EIF2AK2: variants seen among roughly 807,000 people sequenced by gnomAD.
EIF2AK2 encodes the protein interferon-induced, double-stranded RNA-activated protein kinase.
In EIF2AK2, 40 loss-of-function variants were observed where a neutral mutation model predicts 70.5. The ratio of observed to expected loss-of-function variants is 0.57; its 90% CI spans 0.44 to 0.74. The LOEUF is 0.74. Ranked by LOEUF, EIF2AK2 falls within the 30% of genes least tolerant of loss-of-function variation. The pLI is 0.00. For missense variants in EIF2AK2, 555 were observed against 644.3 expected (o/e 0.86, Z 1.50); for synonymous variants, 198 against 220.9 (o/e 0.90, Z 0.92).
chr2:37,124,410 C>T lies in EIF2AK2; in HGVS notation c.909-1746G>A, dbSNP rs577567631. On this transcript the variant is annotated intron_variant, in intron 11 of 16. Transcript: ENST00000233057. ...CCAAGTAGCTGGGACTACAGGCGTA[C>T]GCTGCCATGCCCAGCTAATTTTTGT... 5.4e-3 allele frequency among the ~76,000 whole-genome samples: 815 copies of T among 152,240 alleles called. 16 individuals are homozygous for T. The highest frequency in any genetic ancestry group is 0.01 in the Middle Eastern group (3 of 294).
In EIF2AK2 at chr2:37,153,133, TTTA is replaced by T. The variant is rs1265449797; in HGVS notation, c.-184+3772_-184+3774del. Among the ~76,000 whole-genome samples, 6 of 152,262 alleles carry T rather than the reference TTTA, an allele frequency of 3.9e-5. No homozygotes were observed. The East Asian group carries it at 9.7e-4, about 24-fold the overall frequency. ...CCCTGCAACCATTGTGATTTTTTTT[TTTA>T]TGTTTTAAAATTGTGATAAAATACA... On this transcript the variant is annotated intron_variant, in intron 1 of 16. Coordinates refer to ENST00000233057, the MANE Select transcript of EIF2AK2 (RefSeq NM_001135651.3).
At chr2:37,109,526 G>A (rs1164552387) in intron 14 of EIF2AK2, 1 of 446,546 alleles carries the variant, frequency 2.2e-6, no homozygotes, top group Non-Finnish European at 4.1e-6. Flanking sequence ...TATAAAACAA[G>A]GATAACAACA....
rs1006976095 is a variant in EIF2AK2, at chr2:37,104,551, C to T, written c.*2722G>A. On this transcript the variant is annotated 3_prime_UTR_variant, in exon 17 of 17. Transcript: ENST00000233057. Reference sequence around the variant, plus strand: ...CCCAGGCTAGTCTCAAAATCCTATGCTCAAGCCATCCTCCCCTTTTGACCT... The same window carrying T: ...CCCAGGCTAGTCTCAAAATCCTATGTTCAAGCCATCCTCCCCTTTTGACCT... 5 of 152,184 alleles carry T rather than the reference C, an allele frequency of 3.3e-5. No homozygotes were observed. Among genetic ancestry groups the T allele is most frequent in the Non-Finnish European group, 7.3e-5 (5 of 68,054 alleles). 9.4% of individuals were successfully genotyped at this position (152,184 alleles called of 1,614,324 possible). A position where few individuals can be genotyped will look rare whatever the true frequency, so the allele number is the denominator to read the frequency against.
intron 12 of EIF2AK2, among the ~76,000 whole-genome samples, chr2:37,121,591 A>G (rs569740368): frequency 1.4e-4 from 22 of 151,790 alleles, no homozygotes; most frequent in Non-Finnish European, 2.2e-4. Flanking sequence ...CCAACAAATT[A>G]CTAAGATACA....
chr2:37,119,675 T>C (rs1028980857), intron 13 of EIF2AK2, among the ~76,000 whole-genome samples: 5 of 151,440 alleles, frequency 3.3e-5, no homozygotes, highest in African/African-American at 1.2e-4. Flanking sequence ...CACTGCAACC[T>C]CCACCTCCCA....
chr2:37,112,567 T>C (rs1360834352), intron 14 of EIF2AK2, among the ~76,000 whole-genome samples: 1 of 152,314 alleles, frequency 6.6e-6, no homozygotes, highest in South Asian at 2.1e-4. Flanking sequence ...CATTTTTAAA[T>C]TGAAGAATAA....
chr2:37,149,331 T>G (rs1675663755), intron 1 of EIF2AK2: 17 of 790,682 alleles, frequency 2.2e-5, no homozygotes, highest in Non-Finnish European at 3.6e-5. Flanking sequence ...ATGGGGCCTT[T>G]AAAGGTCTTT....
intron 11 of EIF2AK2, among the ~76,000 whole-genome samples, chr2:37,123,584 G>C (rs1021519446): frequency 2.6e-5 from 4 of 152,074 alleles, no homozygotes; most frequent in Non-Finnish European, 5.9e-5. Context: ...ATTTTTCATA[G>C]CTAAATCATA....
intron 5 of EIF2AK2, among the ~76,000 whole-genome samples, chr2:37,140,872 T>A (rs1426408831): frequency 1.3e-5 from 2 of 150,402 alleles, no homozygotes; most frequent in East Asian, 3.9e-4. Flanking sequence ...TGTAGATATT[T>A]TTTTTCTTCT....
Position 37,107,054 on chromosome 2 carries a change from AAGAAT to A in EIF2AK2, c.*214_*218del. The A allele has an allele frequency of 1.9e-6, 1 of 519,068 alleles. No individual in the cohort carries two copies. The highest frequency in any genetic ancestry group is 3.0e-6 in the Non-Finnish European group (1 of 334,682). 32.2% of individuals were successfully genotyped at this position (519,068 alleles called of 1,614,324 possible). A position where few individuals can be genotyped will look rare whatever the true frequency, so the allele number is the denominator to read the frequency against. On this transcript the variant is annotated 3_prime_UTR_variant, in exon 17 of 17. Coordinates refer to ENST00000233057, the MANE Select transcript of EIF2AK2 (RefSeq NM_001135651.3). Reference sequence around the variant, plus strand: ...GAGACTCTGTCTTTAAAAAAAAAAAAAGAATAAAGAGATGAGCCAGGAAAAAGTAA... The same window carrying A: ...GAGACTCTGTCTTTAAAAAAAAAAAAAAAGAGATGAGCCAGGAAAAAGTAA...
chr2:37,136,460 A>G (rs1675129651), intron 9 of EIF2AK2, among the ~76,000 whole-genome samples: 1 of 152,154 alleles, frequency 6.6e-6, no homozygotes, highest in Non-Finnish European at 1.5e-5. Context: ...TCTTCTCTCC[A>G]TCCAAGCATC....
rs552237663 is a variant in EIF2AK2, at chr2:37,122,498, T to C, written c.1067+8A>G. 14 of 1,611,860 alleles carry C rather than the reference T, an allele frequency of 8.7e-6. No homozygotes were observed. In the South Asian group the frequency reaches 1.4e-4, roughly 17 times the overall value. On this transcript the variant is annotated splice_region_variant and intron_variant, in intron 12 of 16. Transcript: ENST00000233057. ...CTATTATGGCTATGAGAATTTATTT[T>C]TAGTTACCTTGAACTATTTTTGCTG...
intron 14 of EIF2AK2, chr2:37,109,584 G>A (rs1458126493): frequency 6.8e-6 from 2 of 292,582 alleles, no homozygotes; most frequent in African/African-American, 4.4e-5. Context: ...AGCAGGTAAA[G>A]CAGTTAAAAT....
chr2:37,126,213 G>T, intron 11 of EIF2AK2, 76 bp downstream of exon 11: 1 of 1,463,298 alleles, frequency 6.8e-7, no homozygotes, highest in African/African-American at 1.4e-5. Context: ...TAATAAAGAA[G>T]AGAGAAGCAT....
intron 13 of EIF2AK2, among the ~76,000 whole-genome samples, chr2:37,115,526 C>A (rs918161954): frequency 6.6e-6 from 1 of 152,106 alleles, no homozygotes; most frequent in Non-Finnish European, 1.5e-5. Flanking sequence ...TTAAAATATC[C>A]TAATATCCTA....
chr2:37,139,202 C>CTACT (rs1476736732), intron 6 of EIF2AK2, among the ~76,000 whole-genome samples: 4 of 151,462 alleles, frequency 2.6e-5, no homozygotes, highest in African/African-American at 4.9e-5. Flanking sequence ...GTAGTCCCAG[C>CTACT]TACTCAGTAG....
At chr2:37,130,641 C>A (rs1241898276) in intron 10 of EIF2AK2, among the ~76,000 whole-genome samples, 1 of 152,164 alleles carries the variant, frequency 6.6e-6, no homozygotes, top group Non-Finnish European at 1.5e-5. Context: ...TATCTTCCTC[C>A]TCTCAAAACC....
intron 15 of EIF2AK2, 72 bp downstream of exon 15, chr2:37,109,122 G>T: frequency 7.3e-7 from 1 of 1,378,868 alleles, no homozygotes; most frequent in Non-Finnish European, 1.0e-6. Flanking sequence ...GGCAAGAACT[G>T]TCTGCAGCAG....
At position 37,120,205 on chromosome 2, in the gene EIF2AK2, A is replaced by G. The variant is rs1674488308; in HGVS notation, c.1068-66T>C. On this transcript the variant is annotated intron_variant, in intron 12 of 16. Coordinates refer to ENST00000233057, the MANE Select transcript of EIF2AK2 (RefSeq NM_001135651.3). ...TATAAATTTATAAAAAATTTTTTAT[A>G]ACTTTTTAAAGTTTTTCATAACTTT... is the stretch of plus-strand genomic sequence containing the variant. 4 of 1,069,334 alleles carry G rather than the reference A, an allele frequency of 3.7e-6. No homozygotes were observed. In the East Asian group the frequency reaches 1.3e-4, roughly 36 times the overall value. The allele number at this position is 1,069,334 out of a possible 1,614,324, so 66.2% of individuals were successfully genotyped here.
Sources: allele counts gnomAD v4.1 joint callset (sites outside exome capture counted in the v4.1 genomes callset), GRCh38; gene constraint gnomAD v4.1.1; transcripts MANE v1.5; gene names NCBI Gene and HGNC (gene_info 2026-07-23, HGNC 2026-07-21).